The following VPS53 variants were observed in gnomAD, a reference collection of about 807,000 sequenced individuals.
The protein encoded by VPS53 is vacuolar protein sorting-associated protein 53 homolog.
Under a neutral mutation model 107.0 loss-of-function variants are expected in VPS53, and 70 were observed. That is an observed-to-expected ratio of 0.65 (90% confidence interval 0.54 to 0.80). The LOEUF (loss-of-function observed/expected upper bound fraction) is 0.80. VPS53 is among the 30% of genes least tolerant of loss of function. The probability of loss-of-function intolerance (pLI) is 0.00; values close to 1 mark genes in which losing one functional copy is unlikely to be tolerated. For missense variants in VPS53, 917 were observed against 1,049.4 expected (o/e 0.87, Z 1.74); for synonymous variants, 409 against 393.3 (o/e 1.04, Z -0.47).
In VPS53 at chr17:519,961, TCAGGAAAACTAC is replaced by T. The variant is rs1275149559; in HGVS notation, c.2224-43_2224-32del. 14 of 1,469,192 alleles carry T rather than the reference TCAGGAAAACTAC, an allele frequency of 9.5e-6. No individual in the cohort carries two copies. The highest frequency in any genetic ancestry group is 1.7e-4 in the Middle Eastern group (1 of 5,724). The allele number at this position is 1,469,192 out of a possible 1,614,324, so 91.0% of individuals were successfully genotyped here. ...GCGGGAGGAGACAGGAGCAAGCCCCTCAGGAAAACTACCACCACGGGAGGAGACAGGAGCGGG... is the reference window on the plus strand; with the variant it reads ...GCGGGAGGAGACAGGAGCAAGCCCCTCACCACGGGAGGAGACAGGAGCGGG... On this transcript the variant is annotated intron_variant, in intron 20 of 21. Coordinates refer to ENST00000437048, the MANE Select transcript of VPS53 (RefSeq NM_001128159.3). The surrounding 1 kb of genome is among the most constrained non-coding windows in gnomAD (Gnocchi z 5.0).
Position 714,679 on chromosome 17 carries a change from C to T in VPS53, c.31G>A (p.Glu11Lys). 1 of 1,613,660 alleles carries T rather than the reference C, an allele frequency of 6.2e-7. No homozygotes were observed. Among genetic ancestry groups the T allele is most frequent in the African/African-American group, 1.3e-5 (1 of 74,986 alleles). MMEEEELEFVEELEAVLQLTP... is the reference protein window; with the variant it reads MMEEEELEFVKELEAVLQLTP... ...AGCTGCAGCACGGCTTCCAGCTCCT[C>T]CACGAACTCCAGTTCCTCCTCCTCC... Residue 11 changes from glutamate to lysine, a missense_variant, in exon 1 of 22, where the codon GAG (glutamate) becomes AAG (lysine). Coordinates refer to ENST00000437048, the MANE Select transcript of VPS53 (RefSeq NM_001128159.3).
chr17:566,263 G>C (rs1463400321), intron 13 of VPS53, among the ~76,000 whole-genome samples: 1 of 151,774 alleles, frequency 6.6e-6, no homozygotes, highest in African/African-American at 2.4e-5. Flanking sequence ...GGCCACGGTA[G>C]GCAATGCTAA....
At chr17:658,556 T>C (rs964142351) in intron 5 of VPS53, among the ~76,000 whole-genome samples, 17 of 132,720 alleles carry the variant, frequency 1.3e-4, no homozygotes, top group South Asian at 2.6e-4. Context: ...GTGAGAAACT[T>C]GGCCGTGAGT....
chr17:586,129 C>T (rs1421951268), intron 13 of VPS53, 141 bp downstream of exon 13: 4 of 661,888 alleles, frequency 6.0e-6, no homozygotes, highest in African/African-American at 5.5e-5. Flanking sequence ...TGTAAAAATA[C>T]CCCTAATGGG....
intron 11 of VPS53, among the ~76,000 whole-genome samples, chr17:608,619 T>TC (rs2143011568): frequency 6.8e-6 from 1 of 147,978 alleles, no homozygotes; most frequent in East Asian, 2.0e-4. Context: ...TTTCTTTTCT[T>TC]TTCTTTTTTT....
At chr17:577,204 C>T (rs1222305195) in intron 13 of VPS53, among the ~76,000 whole-genome samples, 1 of 151,504 alleles carries the variant, frequency 6.6e-6, no homozygotes, top group Admixed American at 6.6e-5. Context: ...GACGTCAATG[C>T]GTTCCCAGAG....
At position 699,324 on chromosome 17, in the gene VPS53, T is replaced by A; in HGVS notation, c.218+7A>T. ...TTAATTATGAACAATCACACAGCTTTACTCACCTTATTTTCAGCCTAATTT... is the reference window on the plus strand; with the variant it reads ...TTAATTATGAACAATCACACAGCTTAACTCACCTTATTTTCAGCCTAATTT... On this transcript the variant is annotated splice_region_variant and intron_variant, in intron 3 of 21. Coordinates refer to ENST00000437048, the MANE Select transcript of VPS53 (RefSeq NM_001128159.3). 6.4e-7 allele frequency: 1 copy of A among 1,571,596 alleles called. No individual in the cohort carries two copies. Among genetic ancestry groups the A allele is most frequent in the East Asian group, 2.4e-5 (1 of 41,872 alleles).
At chr17:654,531 G>C (rs1043978207) in intron 6 of VPS53, among the ~76,000 whole-genome samples, 1 of 152,070 alleles carries the variant, frequency 6.6e-6, no homozygotes, top group African/African-American at 2.4e-5. Flanking sequence ...AAGGTCAGGA[G>C]ATCGAGACCA....
intron 12 of VPS53, among the ~76,000 whole-genome samples, chr17:588,872 A>G (rs1967478095): frequency 6.6e-6 from 1 of 152,150 alleles, no homozygotes; most frequent in East Asian, 1.9e-4. Context: ...GAGGATTGTG[A>G]GGGGTGTCCT....
Position 593,161 on chromosome 17 carries a change from A to C in VPS53, c.1219-6797T>G, listed in dbSNP as rs201376818. Among the ~76,000 whole-genome samples the C allele has an allele frequency of 2.1e-3, 320 of 152,318 alleles. 9 individuals are homozygous for C. In the East Asian group the frequency reaches 0.055, roughly 26 times the overall value. On this transcript the variant is annotated intron_variant, in intron 12 of 21. Coordinates refer to ENST00000437048, the MANE Select transcript of VPS53 (RefSeq NM_001128159.3). ...TACACTTTATACAAAAATCAATTCA[A>C]GATGGATTAAAGACTTAAACGTTAG...
At chr17:690,778 C>A (rs189070010) in intron 4 of VPS53, among the ~76,000 whole-genome samples, 1 of 147,386 alleles carries the variant, frequency 6.8e-6, no homozygotes, top group African/African-American at 2.4e-5. Context: ...TGTCTACAAT[C>A]AAAAATCTCA....
intron 5 of VPS53, among the ~76,000 whole-genome samples, chr17:660,057 G>A (rs191583306): frequency 2.8e-4 from 42 of 152,306 alleles, no homozygotes; most frequent in Admixed American, 1.2e-3. Flanking sequence ...CCACCTGTGA[G>A]ACAGAATGCC....
chr17:568,883 G>C (rs1037806858), intron 13 of VPS53, among the ~76,000 whole-genome samples: 4 of 152,160 alleles, frequency 2.6e-5, no homozygotes, highest in African/African-American at 7.2e-5. Context: ...CACAGCTATA[G>C]AGGCATATAT....
chr17:642,794 AAGGACAACACTCATACTTGGAAAGCG>A (rs1324460134), intron 7 of VPS53, among the ~76,000 whole-genome samples: 54 of 80,422 alleles, frequency 6.7e-4, no homozygotes, highest in Non-Finnish European at 1.1e-3. Context: ...CTTGGAAATC[AAGGACAACACTCATACTTGGAAAGCG>A]AGGACAACAC....
intron 12 of VPS53, among the ~76,000 whole-genome samples, chr17:589,885 T>C (rs1197896646): frequency 6.6e-6 from 1 of 152,036 alleles, no homozygotes; most frequent in Non-Finnish European, 1.5e-5. Flanking sequence ...CATATGAACT[T>C]TAAAGTAGTT....
At chr17:530,168 G>A (rs948732792) in intron 19 of VPS53, among the ~76,000 whole-genome samples, 14 of 136,144 alleles carry the variant, frequency 1.0e-4, no homozygotes, top group East Asian at 4.3e-4. Flanking sequence ...TTTTTGAGAC[G>A]GAGTCTCTAT....
At chr17:635,368 T>A (rs1483016213) in intron 7 of VPS53, among the ~76,000 whole-genome samples, 1 of 152,252 alleles carries the variant, frequency 6.6e-6, no homozygotes, top group African/African-American at 2.4e-5. Context: ...TTGATCATAG[T>A]TTCTTTTGCT....
chr17:532,069 T>G (rs1381269842), intron 19 of VPS53: 2 of 147,736 alleles, frequency 1.4e-5, no homozygotes, highest in African/African-American at 5.1e-5. Flanking sequence ...TGCCTCAGCC[T>G]CCCGAGTAGC....
At chr17:535,391 G>A (rs1372131486) in intron 18 of VPS53, among the ~76,000 whole-genome samples, 4 of 135,206 alleles carry the variant, frequency 3.0e-5, no homozygotes, top group Admixed American at 7.3e-5. Context: ...GGGAGACGCC[G>A]GGACTGGCTA....
Sources: gnomAD v4.1 joint callset for allele counts (sites outside exome capture counted in the v4.1 genomes callset) on GRCh38, gnomAD v4.1.1 for gene constraint, Gnocchi (gnomAD v3.1) non-coding constraint, MANE v1.5 for transcripts, NCBI Gene and HGNC (gene_info 2026-07-23, HGNC 2026-07-21) for gene names.